Variants in NRXN1 observed in about 807,000 individuals in gnomAD.
NRXN1 encodes the protein neurexin 1, also known as neurexin-1.
A neutral mutation model predicts 150.9 loss-of-function variants in NRXN1; 39 were observed. The observed-to-expected ratio is 0.26, with a 90% confidence interval of 0.20 to 0.34. NRXN1 has a LOEUF of 0.34. Ranked by LOEUF, NRXN1 falls within the 10% of genes least tolerant of loss-of-function variation. The pLI is 1.00. For missense variants in NRXN1, 1,815 were observed against 1,949.9 expected (o/e 0.93, Z 1.30); for synonymous variants, 924 against 757.0 (o/e 1.22, Z -3.62).
chr2:50,050,900 A>G (rs1297734021), intron 21 of NRXN1, among the ~76,000 whole-genome samples: 1 of 152,018 alleles, frequency 6.6e-6, no homozygotes, highest in East Asian at 1.9e-4. Context: ...CTACTACTGA[A>G]TACTTGTAAC....
intron 5 of NRXN1, among the ~76,000 whole-genome samples, chr2:50,860,330 T>C (rs903838427): frequency 6.6e-6 from 1 of 152,080 alleles, no homozygotes; most frequent in African/African-American, 2.4e-5. Flanking sequence ...AAGAATCATA[T>C]ACAAATAACA....
intron 21 of NRXN1, among the ~76,000 whole-genome samples, chr2:49,982,729 T>C (rs372118172): frequency 2.8e-4 from 42 of 152,260 alleles, no homozygotes; most frequent in African/African-American, 9.9e-4. Context: ...GTAATGTACA[T>C]ACCTATTCTG....
intron 17 of NRXN1, among the ~76,000 whole-genome samples, chr2:50,279,200 TATCAG>T (rs1440437693): frequency 3.3e-5 from 5 of 152,192 alleles, no homozygotes; most frequent in African/African-American, 9.6e-5. Context: ...ACCAGTTGCT[TATCAG>T]CTGATACAGT....
chr2:50,579,821 T>A (rs184872700), intron 8 of NRXN1, among the ~76,000 whole-genome samples: 64 of 152,154 alleles, frequency 4.2e-4, no homozygotes, highest in Non-Finnish European at 8.4e-4. Context: ...ATGACAATCC[T>A]ACCACTGGAA....
At chr2:50,283,556 C>T (rs1387393269) in intron 17 of NRXN1, among the ~76,000 whole-genome samples, 1 of 151,926 alleles carries the variant, frequency 6.6e-6, no homozygotes, top group East Asian at 1.9e-4. Context: ...AAAAGATATC[C>T]AAATGAAGAA....
chr2:50,480,031 C>T (rs2090342324), intron 15 of NRXN1, among the ~76,000 whole-genome samples: 1 of 152,150 alleles, frequency 6.6e-6, no homozygotes, highest in South Asian at 2.1e-4. Context: ...CCTTGGCCTC[C>T]CAAAGTGCTG....
intron 21 of NRXN1, among the ~76,000 whole-genome samples, chr2:50,016,742 C>T (rs1208641587): frequency 6.6e-6 from 1 of 152,104 alleles, no homozygotes. Flanking sequence ...CTGATTATTA[C>T]AATTCAAGGT....
At chr2:50,261,887 T>C (rs2068325658) in intron 17 of NRXN1, among the ~76,000 whole-genome samples, 1 of 151,894 alleles carries the variant, frequency 6.6e-6, no homozygotes, top group South Asian at 2.1e-4. Flanking sequence ...AATTCCTTGC[T>C]TTGTGACTTT....
At chr2:50,605,129 T>A (rs769298571) in intron 8 of NRXN1, among the ~76,000 whole-genome samples, 1 of 152,226 alleles carries the variant, frequency 6.6e-6, no homozygotes, top group African/African-American at 2.4e-5. Flanking sequence ...AGCAGAAATA[T>A]CTAATTGAGT....
At chr2:50,686,184 T>C (rs1441096468) in intron 5 of NRXN1, among the ~76,000 whole-genome samples, 1 of 152,166 alleles carries the variant, frequency 6.6e-6, no homozygotes, top group Admixed American at 6.6e-5. Context: ...TTTTCTTTTT[T>C]TTAATATATT....
intron 15 of NRXN1, among the ~76,000 whole-genome samples, chr2:50,488,265 CT>C (rs1351681779): frequency 1.3e-5 from 2 of 152,202 alleles, no homozygotes; most frequent in Non-Finnish European, 2.9e-5. Flanking sequence ...GACTCTGTCT[CT>C]TATTCCCTCA....
rs200332295 is a variant in NRXN1 at position 50,552,667 on chromosome 2, G to T, written c.1679C>A (p.Thr560Asn). The change falls in exon 9 of 23, where the codon ACT (threonine) becomes AAT (asparagine). Residue 560 changes from threonine (T) to asparagine (N), a missense_variant. Thr to Asn is a moderately conservative substitution (Grantham distance 65). Around this residue, in one of 6 missense-constraint regions of NRXN1, gnomAD observed 638 missense variants for 652.6 expected, o/e 0.98. Coordinates refer to ENST00000401669, the MANE Select transcript of NRXN1 (RefSeq NM_001330078.2). The part of the protein sequence containing the change: ...LYLLLDMGSG[T>N]IKIKALLKKV... ...CTTCAACAGGGCTTTTATTTTTATAGTACCTGACCCCATGTCCAGGAGGAG... is the reference window on the plus strand; with the variant it reads ...CTTCAACAGGGCTTTTATTTTTATATTACCTGACCCCATGTCCAGGAGGAG... 3 of 1,613,722 alleles carry T rather than the reference G, an allele frequency of 1.9e-6. No homozygotes were observed. The highest frequency in any genetic ancestry group is 1.7e-6 in the Non-Finnish European group (2 of 1,179,692).
chr2:50,482,277 C>T (rs1248630244), intron 15 of NRXN1, among the ~76,000 whole-genome samples: 1 of 151,814 alleles, frequency 6.6e-6, no homozygotes, highest in Non-Finnish European at 1.5e-5. Flanking sequence ...TCTTTTAAAC[C>T]CACTCTATGC....
chr2:50,236,329 A>T (rs28582966), intron 18 of NRXN1, among the ~76,000 whole-genome samples: 13,290 of 152,036 alleles, frequency 0.087, 773 homozygotes, highest in South Asian at 0.14. Flanking sequence ...CTTAAAGTAT[A>T]CTTTCGTTCC....
intron 5 of NRXN1, among the ~76,000 whole-genome samples, chr2:50,731,034 G>A (rs1698039296): frequency 6.6e-6 from 1 of 152,088 alleles, no homozygotes; most frequent in Admixed American, 6.6e-5. Context: ...ATCCTTGACT[G>A]TAACTCAGGC....
rs568934362 is a variant in NRXN1 at position 50,395,511 on chromosome 2, C to T, written c.3364+69931G>A. On this transcript the variant is annotated intron_variant, in intron 17 of 22. Transcript: ENST00000401669. Reference sequence around the variant, plus strand: ...ATATCAGCTCTAGGAAAAATCAAAGCAGGTCCTTTATATGCTTGCTAGTTT... The same window carrying T: ...ATATCAGCTCTAGGAAAAATCAAAGTAGGTCCTTTATATGCTTGCTAGTTT... 6.6e-5 allele frequency among the ~76,000 whole-genome samples: 10 copies of T among 151,976 alleles called. No homozygotes were observed. The South Asian group carries it at 2.1e-3, about 32-fold the overall frequency.
intron 8 of NRXN1, among the ~76,000 whole-genome samples, chr2:50,611,841 G>T (rs1193918226): frequency 6.6e-6 from 1 of 152,038 alleles, no homozygotes; most frequent in Non-Finnish European, 1.5e-5. Context: ...CCGGGGAGTG[G>T]GAAAGATTCC....
At chr2:50,814,774 C>G (rs3891417) in intron 5 of NRXN1, among the ~76,000 whole-genome samples, 13,199 of 152,176 alleles carry the variant, frequency 0.087, 839 homozygotes, top group African/African-American at 0.17. Flanking sequence ...TATTCTTATT[C>G]TCTCAAAATT....
rs113593940 is a variant in NRXN1 at position 50,389,258 on chromosome 2, T to C, written c.3364+76184A>G. Reference sequence around the variant, plus strand: ...GGTGATAAACAGACAGATTCAGGCATATGAATAAGTTGACATGTCCAATGT... The same window carrying C: ...GGTGATAAACAGACAGATTCAGGCACATGAATAAGTTGACATGTCCAATGT... On this transcript the variant is annotated intron_variant, in intron 17 of 22. Coordinates refer to ENST00000401669, the MANE Select transcript of NRXN1 (RefSeq NM_001330078.2). 2.9e-4 allele frequency among the ~76,000 whole-genome samples: 44 copies of C among 150,316 alleles called. 2 individuals are homozygous for C. The highest frequency in any genetic ancestry group is 1.1e-3 in the African/African-American group (44 of 40,752).
Sources: allele counts gnomAD v4.1 joint callset (sites outside exome capture counted in the v4.1 genomes callset), GRCh38; gene constraint gnomAD v4.1.1; regional missense constraint gnomAD v4.1.1; transcripts MANE v1.5; gene names NCBI Gene and HGNC (gene_info 2026-07-23, HGNC 2026-07-21).